The following PTK2 variants were observed in gnomAD, a reference collection of about 807,000 sequenced individuals.
PTK2 encodes the protein protein tyrosine kinase 2.
A neutral mutation model predicts 150.1 loss-of-function variants in PTK2; 45 were observed. The observed-to-expected ratio is 0.30, with a 90% CI of 0.24 to 0.38. The LOEUF is 0.38. Among genes scored for constraint, PTK2 ranks in the 10% least tolerant of loss-of-function variants. The pLI, the probability that PTK2 is intolerant of heterozygous loss-of-function variation, is 1.00. For missense variants in PTK2, 919 were observed against 1,307.3 expected (o/e 0.70, Z 4.58); for synonymous variants, 432 against 449.2 (o/e 0.96, Z 0.48).
intron 1 of PTK2, among the ~76,000 whole-genome samples, chr8:140,951,008 TCA>T (rs2100179386): frequency 6.6e-6 from 1 of 152,014 alleles, no homozygotes; most frequent in East Asian, 1.9e-4. Context: ...TCCCAGAACC[TCA>T]GAGTCCAATC....
chr8:140,702,761 C>A lies in PTK2; in HGVS notation c.2230-54G>T, dbSNP rs1410694460. 3.9e-6 allele frequency: 6 copies of A among 1,553,318 alleles called. No homozygotes were observed. The Admixed American group carries it at 1.1e-4, about 28-fold the overall frequency. ...GTTCAACTATAACATCTGCACAGTT[C>A]TGCTTCACACACAAAGGAAACTAAA... On this transcript the variant is annotated intron_variant, in intron 24 of 31. Coordinates refer to ENST00000522684, the Ensembl canonical transcript of PTK2.
At chr8:140,980,487 T>C (rs573348228) in intron 1 of PTK2, among the ~76,000 whole-genome samples, 1 of 151,734 alleles carries the variant, frequency 6.6e-6, no homozygotes, top group Admixed American at 6.6e-5. Context: ...CCGGGCATGG[T>C]GGTGGGCGCC....
At chr8:140,788,349 G>A (rs913648858) in intron 14 of PTK2, among the ~76,000 whole-genome samples, 1 of 152,084 alleles carries the variant, frequency 6.6e-6, no homozygotes, top group African/African-American at 2.4e-5. Context: ...TACTTCTTGA[G>A]TAAGGGCTTA....
chr8:140,695,528 A>T (rs2100026009), intron 26 of PTK2, among the ~76,000 whole-genome samples: 1 of 151,832 alleles, frequency 6.6e-6, no homozygotes, highest in Non-Finnish European at 1.5e-5. Context: ...CTGCTGCTGC[A>T]GCCTCCTGAG....
chr8:140,909,318 G>A (rs1248369314), intron 2 of PTK2, among the ~76,000 whole-genome samples: 3 of 152,128 alleles, frequency 2.0e-5, no homozygotes, highest in Admixed American at 1.3e-4. Flanking sequence ...AGAATTTCAA[G>A]ACTAAATTAT....
At chr8:140,943,138 T>C (rs1246973369) in intron 1 of PTK2, among the ~76,000 whole-genome samples, 1 of 152,168 alleles carries the variant, frequency 6.6e-6, no homozygotes, top group Admixed American at 6.5e-5. Flanking sequence ...GGTATTTCTT[T>C]ATACCAACGC....
intron 18 of PTK2, 192 bp downstream of exon 21, chr8:140,746,568 A>G (rs796183735): frequency 2.7e-5 from 13 of 478,380 alleles, no homozygotes; most frequent in South Asian, 3.7e-5. Flanking sequence ...CCAGTACTGC[A>G]TAAGGGGATG....
At chr8:140,871,387 C>G (rs10099859) in intron 4 of PTK2, among the ~76,000 whole-genome samples, 145,959 of 152,342 alleles carry the variant, frequency 0.96, 70,126 homozygotes, top group Non-Finnish European at 1. Context: ...TCAGTATCAT[C>G]ATTAAGCACA....
At chr8:140,780,874 G>A (rs947380995) in intron 14 of PTK2, among the ~76,000 whole-genome samples, 6 of 152,156 alleles carry the variant, frequency 3.9e-5, no homozygotes, top group Admixed American at 3.9e-4. Flanking sequence ...TTGGCCAGAA[G>A]TTTTTAGTTG....
At chr8:140,789,356 C>G (rs1566419082) in intron 14 of PTK2, 118 bp downstream of exon 14, 5 of 931,250 alleles carry the variant, frequency 5.4e-6, no homozygotes, top group Non-Finnish European at 7.7e-6. Flanking sequence ...TTTGGATAGC[C>G]AGAATGCTTA....
intron 8 of PTK2, among the ~76,000 whole-genome samples, chr8:140,827,404 C>A (rs759128859): frequency 6.6e-6 from 1 of 151,988 alleles, no homozygotes; most frequent in South Asian, 2.1e-4. Context: ...TATCTGATAC[C>A]CAGGTACAGC....
chr8:140,981,096 GAA>G (rs781163891), intron 1 of PTK2, among the ~76,000 whole-genome samples: 3 of 118,084 alleles, frequency 2.5e-5, no homozygotes, highest in Non-Finnish European at 3.6e-5. Flanking sequence ...TCCTGCTCTG[GAA>G]AAAAAAAAAA....
At chr8:140,995,396 A>AG (rs1247088705) in intron 1 of PTK2, among the ~76,000 whole-genome samples, 1 of 151,506 alleles carries the variant, frequency 6.6e-6, no homozygotes, top group African/African-American at 2.4e-5. Context: ...AAAAAAAAAA[A>AG]AAAGAAAAGA....
chr8:140,750,611 G>A (rs1217991493), intron 17 of PTK2, among the ~76,000 whole-genome samples: 2 of 152,216 alleles, frequency 1.3e-5, no homozygotes, highest in East Asian at 1.9e-4. Context: ...GCAAACCATA[G>A]GAAAGGAGGA....
intron 29 of PTK2, chr8:140,669,300 GGTAT>G (rs2094207976): frequency 2.5e-5 from 1 of 39,942 alleles, no homozygotes; most frequent in African/African-American, 1.7e-4. Context: ...AGCATAAAAT[GGTAT>G]ATATATATAT....
chr8:140,832,065 GT>G (rs1019049106), intron 7 of PTK2, among the ~76,000 whole-genome samples: 3 of 152,012 alleles, frequency 2.0e-5, no homozygotes, highest in African/African-American at 7.2e-5. Context: ...CAGAGTGTTT[GT>G]TTTTTTGAGA....
chr8:140,884,192 T>A (rs1258062810), intron 3 of PTK2, among the ~76,000 whole-genome samples: 1 of 152,210 alleles, frequency 6.6e-6, no homozygotes, highest in Non-Finnish European at 1.5e-5. Flanking sequence ...TGTAGGCATC[T>A]TTAGGAGCCA....
At chr8:140,888,719 T>C (rs1250854345) in intron 3 of PTK2, among the ~76,000 whole-genome samples, 4 of 152,222 alleles carry the variant, frequency 2.6e-5, no homozygotes, top group African/African-American at 7.2e-5. Flanking sequence ...CCATGGCACA[T>C]CTGTTAAAAT....
At chr8:140,766,341 A>G (rs1046632706) in intron 14 of PTK2, among the ~76,000 whole-genome samples, 2 of 152,096 alleles carry the variant, frequency 1.3e-5, no homozygotes, top group African/African-American at 2.4e-5. Flanking sequence ...GTGACCTCCA[A>G]CTGAGGGCTT....
Sources: gnomAD v4.1 joint callset for allele counts (sites outside exome capture counted in the v4.1 genomes callset) on GRCh38, gnomAD v4.1.1 for gene constraint, MANE v1.5 for transcripts, NCBI Gene and HGNC (gene_info 2026-07-23, HGNC 2026-07-21) for gene names.